ANKS1B: variants seen among roughly 807,000 people sequenced by gnomAD.
ANKS1B encodes ankyrin repeat and sterile alpha motif domain containing 1B.
A neutral mutation model predicts 148.3 loss-of-function variants in ANKS1B; 36 were observed. That is an observed-to-expected ratio of 0.24 (90% CI 0.19 to 0.32). The LOEUF is 0.32. Ranked by LOEUF, ANKS1B falls within the 10% of genes least tolerant of loss-of-function variation. The probability of loss-of-function intolerance (pLI) is 1.00; values close to 1 mark genes in which losing one functional copy is unlikely to be tolerated. For missense variants in ANKS1B, 1,157 were observed against 1,542.6 expected, an observed-to-expected ratio of 0.75 and a Z score of 4.19; for synonymous variants, 542 against 560.8, an observed-to-expected ratio of 0.97 and a Z score of 0.47.
chr12:99,051,620 G>T (rs145008784), intron 17 of ANKS1B, among the ~76,000 whole-genome samples: 1 of 152,164 alleles, frequency 6.6e-6, no homozygotes, highest in African/African-American at 2.4e-5. Flanking sequence ...AGTTAGTTCC[G>T]TTGCCACACA....
At chr12:99,830,324 A>G (rs1424647706) in intron 1 of ANKS1B, among the ~76,000 whole-genome samples, 3 of 152,182 alleles carry the variant, frequency 2.0e-5, no homozygotes, top group Non-Finnish European at 2.9e-5. Flanking sequence ...TCTTGTTCTT[A>G]TTAAATAAAT....
intron 17 of ANKS1B, among the ~76,000 whole-genome samples, chr12:98,838,867 TA>T (rs1186938993): frequency 6.6e-6 from 1 of 152,210 alleles, no homozygotes; most frequent in Non-Finnish European, 1.5e-5. Context: ...TCTGCAGAAC[TA>T]AAATTGCAAA....
chr12:99,023,091 T>C (rs6538891), intron 17 of ANKS1B, among the ~76,000 whole-genome samples: 41,343 of 151,996 alleles, frequency 0.27, 5,976 homozygotes, highest in South Asian at 0.38. Flanking sequence ...TTTTACATAT[T>C]ATTGTTGTCT....
At chr12:99,107,174 AAATT>A (rs2059400279) in intron 15 of ANKS1B, among the ~76,000 whole-genome samples, 1 of 152,078 alleles carries the variant, frequency 6.6e-6, no homozygotes, top group Non-Finnish European at 1.5e-5. Context: ...TATAATTTAT[AAATT>A]AATATAGCAA....
chr12:98,950,171 A>G (rs1166015978), intron 17 of ANKS1B, among the ~76,000 whole-genome samples: 1 of 152,188 alleles, frequency 6.6e-6, no homozygotes, highest in African/African-American at 2.4e-5. Context: ...CCACATAATG[A>G]CGCATTGAAG....
intron 1 of ANKS1B, among the ~76,000 whole-genome samples, chr12:99,938,888 C>T (rs538656815): frequency 1.3e-5 from 2 of 152,244 alleles, no homozygotes; most frequent in African/African-American, 4.8e-5. Context: ...AAGGATCAAG[C>T]GGCCCCGCAG....
chr12:99,598,156 A>T (rs1340351626), intron 9 of ANKS1B, among the ~76,000 whole-genome samples: 1 of 152,110 alleles, frequency 6.6e-6, no homozygotes, highest in Non-Finnish European at 1.5e-5. Context: ...TATAGATAAA[A>T]ATATGATGTA....
chr12:99,898,148 T>C lies in ANKS1B; in HGVS notation c.135-72759A>G, dbSNP rs180701450. ...TTAACTGAAAATTTCAAATAGTATT[T>C]TCTGTAGTTTGGACAACTAGTAAAT... On this transcript the variant is annotated intron_variant, in intron 1 of 26. Coordinates refer to ENST00000683438, the MANE Select transcript of ANKS1B (RefSeq NM_001352186.2). Among the ~76,000 whole-genome samples the C allele has an allele frequency of 3.9e-5, 6 of 152,338 alleles. No individual in the cohort carries two copies. The East Asian group carries it at 1.2e-3, about 29-fold the overall frequency.
In ANKS1B at chr12:99,678,570, C is replaced by T. The variant is rs111969101; in HGVS notation, c.1129-23360G>A. On this transcript the variant is annotated intron_variant, in intron 8 of 26. Coordinates refer to ENST00000683438, the MANE Select transcript of ANKS1B (RefSeq NM_001352186.2). ...TGTTTACTAAGAGAGCCCAAGTGTC[C>T]CTTTACACTGTAGTGTTGGGCTAAG... Among the ~76,000 whole-genome samples the T allele has an allele frequency of 1.2e-3, 177 of 152,204 alleles. 1 individual carries two copies. The highest frequency in any genetic ancestry group is 3.4e-3 in the Middle Eastern group (1 of 294).
intron 9 of ANKS1B, among the ~76,000 whole-genome samples, chr12:99,511,135 T>C (rs546406244): frequency 6.6e-6 from 1 of 152,154 alleles, no homozygotes; most frequent in African/African-American, 2.4e-5. Flanking sequence ...CTTTTGCCCA[T>C]TCAGTATGAT....
intron 8 of ANKS1B, among the ~76,000 whole-genome samples, chr12:99,742,391 T>C (rs10400451): frequency 0.44 from 66,453 of 151,880 alleles, 14,945 homozygotes; most frequent in South Asian, 0.61. Flanking sequence ...ACAAAAAATA[T>C]AATTTTTTAA....
At chr12:99,595,179 A>G (rs1163869833) in intron 9 of ANKS1B, among the ~76,000 whole-genome samples, 1 of 151,932 alleles carries the variant, frequency 6.6e-6, no homozygotes, top group Non-Finnish European at 1.5e-5. Context: ...AAAATGTAAG[A>G]ACTTTATAAA....
At chr12:99,013,480 C>T (rs1480085085) in intron 17 of ANKS1B, among the ~76,000 whole-genome samples, 2 of 152,128 alleles carry the variant, frequency 1.3e-5, no homozygotes, top group East Asian at 1.9e-4. Context: ...TCTTACCACT[C>T]CTATTCAACA....
At chr12:98,955,807 G>A (rs765411130) in intron 17 of ANKS1B, among the ~76,000 whole-genome samples, 2 of 152,190 alleles carry the variant, frequency 1.3e-5, no homozygotes, top group African/African-American at 2.4e-5. Context: ...CTTAGCTTTG[G>A]CAATGTTGAG....
chr12:99,687,881 G>A (rs1331535295), intron 8 of ANKS1B, among the ~76,000 whole-genome samples: 1 of 151,952 alleles, frequency 6.6e-6, no homozygotes, highest in Non-Finnish European at 1.5e-5. Context: ...TTTACTGTTT[G>A]GTGAACATTG....
At chr12:98,799,027 A>ACC (rs1178889392) in intron 21 of ANKS1B, 22 bp from the exon 22 acceptor site, 1 of 1,551,180 alleles carries the variant, frequency 6.4e-7, no homozygotes, top group South Asian at 1.2e-5. Context: ...AAAAAATTCA[A>ACC]TGATTTATGA....
intron 9 of ANKS1B, among the ~76,000 whole-genome samples, chr12:99,526,908 C>T (rs949157482): frequency 5.9e-5 from 9 of 152,038 alleles, no homozygotes; most frequent in African/African-American, 2.2e-4. Context: ...TAGGGTGGAC[C>T]CCAATCCAAT....
intron 15 of ANKS1B, among the ~76,000 whole-genome samples, chr12:99,150,700 A>G (rs1029433390): frequency 6.6e-6 from 1 of 152,138 alleles, no homozygotes; most frequent in African/African-American, 2.4e-5. Context: ...TTGTATAGTA[A>G]TCACTTCATA....
intron 1 of ANKS1B, among the ~76,000 whole-genome samples, chr12:99,969,940 A>G (rs546853366): frequency 6.6e-5 from 10 of 152,200 alleles, no homozygotes; most frequent in Non-Finnish European, 1.2e-4. Flanking sequence ...AATGGGGAAG[A>G]CATTGCAAGA....
Sources: gnomAD v4.1 joint callset for allele counts (sites outside exome capture counted in the v4.1 genomes callset) on GRCh38, gnomAD v4.1.1 for gene constraint, MANE v1.5 for transcripts, NCBI Gene and HGNC (gene_info 2026-07-23, HGNC 2026-07-21) for gene names.